The following SLC4A4 variants were observed in gnomAD, a reference collection of about 807,000 sequenced individuals.
The protein encoded by SLC4A4 is electrogenic sodium bicarbonate cotransporter 1.
In SLC4A4, 27 loss-of-function variants were observed where a neutral mutation model predicts 111.5. That is an observed-to-expected ratio of 0.24 (90% CI 0.18 to 0.33). SLC4A4 has a LOEUF of 0.33. Ranked by LOEUF, SLC4A4 falls within the 10% of genes least tolerant of loss-of-function variation. The pLI, the probability that SLC4A4 is intolerant of heterozygous loss-of-function variation, is 1.00. For synonymous variants in SLC4A4, 443 were observed against 463.4 expected, an observed-to-expected ratio of 0.96 and a Z score of 0.57; for missense variants, 909 against 1,315.5, an observed-to-expected ratio of 0.69 and a Z score of 4.78.
intron 7 of SLC4A4, among the ~76,000 whole-genome samples, chr4:71,404,890 G>T (rs754606386): frequency 6.6e-6 from 1 of 151,834 alleles, no homozygotes; most frequent in Non-Finnish European, 1.5e-5. Flanking sequence ...CCACCTTTTG[G>T]GCTTAAGCTA....
At chr4:71,173,723 G>A (rs1434418963) in intron 2 of SLC4A4, among the ~76,000 whole-genome samples, 1 of 152,128 alleles carries the variant, frequency 6.6e-6, no homozygotes, top group East Asian at 1.9e-4. Context: ...TAAGTTGACC[G>A]AGAAAGACCA....
chr4:71,244,059 A>G (rs868231747), intron 2 of SLC4A4, among the ~76,000 whole-genome samples: 1 of 152,188 alleles, frequency 6.6e-6, no homozygotes, highest in African/African-American at 2.4e-5. Flanking sequence ...CCAACCCCCA[A>G]TTGATTATTA....
intron 7 of SLC4A4, among the ~76,000 whole-genome samples, chr4:71,439,680 G>GTCCT (rs1724537435): frequency 2.0e-5 from 3 of 151,462 alleles, no homozygotes; most frequent in Non-Finnish European, 4.4e-5. Context: ...ATACAAATTA[G>GTCCT]GGTGACCCAG....
At chr4:71,359,131 G>A (rs1730538662) in intron 6 of SLC4A4, among the ~76,000 whole-genome samples, 1 of 152,164 alleles carries the variant, frequency 6.6e-6, no homozygotes, top group Non-Finnish European at 1.5e-5. Flanking sequence ...TTGTGCTTTA[G>A]GAGAAAGTAT....
intron 2 of SLC4A4, among the ~76,000 whole-genome samples, chr4:71,254,366 C>T (rs1474358855): frequency 6.6e-6 from 1 of 152,108 alleles, no homozygotes; most frequent in Non-Finnish European, 1.5e-5. Flanking sequence ...GTCAGTTTTG[C>T]AGCTCCTTCC....
At chr4:71,100,525 G>A (rs1742696236) in intron 2 of SLC4A4, among the ~76,000 whole-genome samples, 1 of 152,102 alleles carries the variant, frequency 6.6e-6, no homozygotes, top group African/African-American at 2.4e-5. Flanking sequence ...CACCCCCCTT[G>A]AAAACTGACA....
intron 7 of SLC4A4, among the ~76,000 whole-genome samples, chr4:71,400,175 C>T (rs1720229761): frequency 6.6e-6 from 1 of 152,096 alleles, no homozygotes; most frequent in South Asian, 2.1e-4. Context: ...CTCCTTTTGC[C>T]AGGAATTTGG....
chr4:71,557,684 T>C lies in SLC4A4; in HGVS notation c.2764-28T>C, dbSNP rs753590881. ...GTGGAAATGTAATGCAGTAATGCAGTTGGACTCCTTTCCTCTTTCCTCCCC... is the reference window on the plus strand; with the variant it reads ...GTGGAAATGTAATGCAGTAATGCAGCTGGACTCCTTTCCTCTTTCCTCCCC... On this transcript the variant is annotated intron_variant, in intron 21 of 25. Transcript: ENST00000264485. 5 of 1,609,548 alleles carry C rather than the reference T, an allele frequency of 3.1e-6. No homozygotes were observed. The East Asian group carries it at 1.1e-4, about 36-fold the overall frequency.
intron 6 of SLC4A4, among the ~76,000 whole-genome samples, chr4:71,376,146 C>A (rs1264755443): frequency 1.0e-5 from 1 of 98,324 alleles, no homozygotes; most frequent in Non-Finnish European, 2.1e-5. Context: ...CACATATATA[C>A]CTGTATATAT....
chr4:71,408,846 AAT>A (rs566871993), intron 7 of SLC4A4, among the ~76,000 whole-genome samples: 58 of 152,284 alleles, frequency 3.8e-4, no homozygotes, highest in African/African-American at 1.4e-3. Context: ...TCCCCACCCA[AAT>A]CTCAACTTGA....
rs115133105 is a variant in SLC4A4, at chr4:71,125,978, G to A, written c.-2+33186G>A. ...AACTGCTGACATGCCTCTATCATAC[G>A]TTTTTTCTGTATTTTGTTAGCTGCA... On this transcript the variant is annotated intron_variant, in intron 2 of 26. Coordinates refer to the SLC4A4 transcript ENST00000649996. Among the ~76,000 whole-genome samples, 406 of 152,176 alleles carry A rather than the reference G, an allele frequency of 2.7e-3. 1 individual carries two copies. The highest frequency in any genetic ancestry group is 8.9e-3 in the African/African-American group (369 of 41,532).
intron 8 of SLC4A4, among the ~76,000 whole-genome samples, chr4:71,447,349 G>C (rs140934107): frequency 1.3e-5 from 2 of 152,310 alleles, no homozygotes; most frequent in East Asian, 3.9e-4. Flanking sequence ...GTTTAAAATA[G>C]AAAGATTGAA....
At chr4:71,226,002 T>C (rs1452088930) in intron 1 of SLC4A4, among the ~76,000 whole-genome samples, 1 of 152,258 alleles carries the variant, frequency 6.6e-6, no homozygotes, top group Non-Finnish European at 1.5e-5. Context: ...TGAATCCTAA[T>C]TTTATTTGCA....
At chr4:71,098,802 AG>A (rs1186533577) in intron 2 of SLC4A4, among the ~76,000 whole-genome samples, 42 of 152,292 alleles carry the variant, frequency 2.8e-4, no homozygotes, top group African/African-American at 8.9e-4. Context: ...AGAAAAAAGC[AG>A]GGGTTGCAGT....
chr4:71,410,764 T>C (rs1285403723), intron 7 of SLC4A4, among the ~76,000 whole-genome samples: 1 of 152,192 alleles, frequency 6.6e-6, no homozygotes, highest in African/African-American at 2.4e-5. Flanking sequence ...GTTTTTGTTT[T>C]GGAATAAATC....
chr4:71,206,467 A>G (rs1578593906), intron 1 of SLC4A4, among the ~76,000 whole-genome samples: 1 of 152,198 alleles, frequency 6.6e-6, no homozygotes, highest in Non-Finnish European at 1.5e-5. Flanking sequence ...ATAATGTCAG[A>G]ATTTTATAAG....
chr4:71,436,462 A>T (rs1460608967), intron 7 of SLC4A4, among the ~76,000 whole-genome samples: 1 of 152,206 alleles, frequency 6.6e-6, no homozygotes, highest in Non-Finnish European at 1.5e-5. Context: ...AATGTAGATG[A>T]CAGGTTGATG....
intron 2 of SLC4A4, among the ~76,000 whole-genome samples, chr4:71,094,888 T>TTA (rs1380718532): frequency 6.6e-6 from 1 of 152,176 alleles, no homozygotes. Context: ...TTGATTTTTG[T>TTA]TATATATATA....
chr4:71,480,711 G>A (rs560554362), intron 14 of SLC4A4, among the ~76,000 whole-genome samples: 1 of 151,772 alleles, frequency 6.6e-6, no homozygotes, highest in Non-Finnish European at 1.5e-5. Flanking sequence ...AAACTTTAAA[G>A]TTTCATTATC....
Sources: allele counts gnomAD v4.1 joint callset (sites outside exome capture counted in the v4.1 genomes callset), GRCh38; gene constraint gnomAD v4.1.1; transcripts MANE v1.5; gene names NCBI Gene and HGNC (gene_info 2026-07-23, HGNC 2026-07-21).